The following SUPT3H variants were observed in gnomAD, a reference collection of about 807,000 sequenced individuals.
SUPT3H encodes transcription initiation protein SPT3 homolog.
Under a neutral mutation model 44.3 loss-of-function variants are expected in SUPT3H, and 44 were observed. The observed-to-expected ratio is 0.99, with a 90% CI of 0.78 to 1.28. The LOEUF (loss-of-function observed/expected upper bound fraction) is 1.28. SUPT3H is among the 50% of genes most tolerant of loss of function. The pLI is 0.00. For synonymous variants in SUPT3H, 124 were observed against 125.6 expected (o/e 0.99, Z 0.09); for missense variants, 380 against 387.1 (o/e 0.98, Z 0.15).
chr6:44,898,374 C>A (rs541017483), intron 10 of SUPT3H, among the ~76,000 whole-genome samples: 2 of 152,272 alleles, frequency 1.3e-5, no homozygotes, highest in Admixed American at 6.5e-5. Context: ...CTGGAGTAAG[C>A]CAGCTGCCAT....
intron 2 of SUPT3H, among the ~76,000 whole-genome samples, chr6:45,282,258 GAGA>G (rs1287348280): frequency 1.6e-4 from 25 of 152,312 alleles, no homozygotes; most frequent in African/African-American, 6.0e-4. Flanking sequence ...GACAAGTTGA[GAGA>G]AGAAGGTTTC....
intron 3 of SUPT3H, among the ~76,000 whole-genome samples, chr6:45,047,303 CTT>C (rs1789554983): frequency 6.6e-6 from 1 of 152,128 alleles, no homozygotes; most frequent in African/African-American, 2.4e-5. Flanking sequence ...GGCATTCAGT[CTT>C]GAGCTTTACT....
intron 2 of SUPT3H, among the ~76,000 whole-genome samples, chr6:45,213,201 G>A (rs909785609): frequency 5.3e-5 from 8 of 152,160 alleles, no homozygotes; most frequent in African/African-American, 1.9e-4. Context: ...AAGTGCGCCT[G>A]GAAGAGTTTG....
chr6:45,261,984 CA>C (rs1358849091), intron 2 of SUPT3H, among the ~76,000 whole-genome samples: 1 of 152,054 alleles, frequency 6.6e-6, no homozygotes, highest in Non-Finnish European at 1.5e-5. Context: ...ACAATACCCA[CA>C]AATAGCATCA....
At chr6:45,102,495 T>C (rs1258666904) in intron 3 of SUPT3H, among the ~76,000 whole-genome samples, 1 of 152,122 alleles carries the variant, frequency 6.6e-6, no homozygotes, top group African/African-American at 2.4e-5. Flanking sequence ...AATAATTTAT[T>C]ATATAAAATA....
At chr6:45,147,703 A>G (rs916331167) in intron 2 of SUPT3H, among the ~76,000 whole-genome samples, 1 of 151,982 alleles carries the variant, frequency 6.6e-6, no homozygotes, top group Non-Finnish European at 1.5e-5. Context: ...TCTAGCAAGG[A>G]AACAGCCTGA....
intron 10 of SUPT3H, among the ~76,000 whole-genome samples, chr6:44,903,958 A>T (rs1207647857): frequency 2.0e-5 from 3 of 152,212 alleles, no homozygotes; most frequent in Non-Finnish European, 4.4e-5. Context: ...GATGCAGAAA[A>T]GGCCTTTGAC....
At chr6:45,282,728 C>A (rs1298276286) in intron 2 of SUPT3H, among the ~76,000 whole-genome samples, 1 of 152,130 alleles carries the variant, frequency 6.6e-6, no homozygotes, top group Non-Finnish European at 1.5e-5. Context: ...TCAGGAAATA[C>A]AGAGAACGCC....
chr6:45,301,178 G>A (rs550881764), intron 2 of SUPT3H, among the ~76,000 whole-genome samples: 1 of 152,154 alleles, frequency 6.6e-6, no homozygotes, highest in South Asian at 2.1e-4. Context: ...TGAGGGATAG[G>A]TAAATAAACC....
chr6:45,016,997 C>G (rs1335232220), intron 4 of SUPT3H, among the ~76,000 whole-genome samples: 2 of 150,378 alleles, frequency 1.3e-5, no homozygotes, highest in Non-Finnish European at 3.0e-5. Context: ...ACATCCTCTC[C>G]AGCACCTGTT....
chr6:45,357,575 C>A (rs769652367), intron 2 of SUPT3H, among the ~76,000 whole-genome samples: 1 of 152,080 alleles, frequency 6.6e-6, no homozygotes, highest in Non-Finnish European at 1.5e-5. Flanking sequence ...GCTCCCCTGA[C>A]GTCAGCCCCT....
intron 2 of SUPT3H, among the ~76,000 whole-genome samples, chr6:45,215,644 C>T (rs1412375632): frequency 6.6e-6 from 1 of 150,952 alleles, no homozygotes; most frequent in Admixed American, 6.6e-5. Flanking sequence ...TCTAGTCAGA[C>T]AAAAAAGAAA....
At chr6:45,008,168 TTTTCA>T (rs1782981954) in intron 5 of SUPT3H, among the ~76,000 whole-genome samples, 1 of 152,170 alleles carries the variant, frequency 6.6e-6, no homozygotes, top group Non-Finnish European at 1.5e-5. Context: ...TGAATACATA[TTTTCA>T]TTTATCTTAT....
At chr6:44,837,093 AG>A (rs1415882136) in intron 10 of SUPT3H, among the ~76,000 whole-genome samples, 34 of 152,288 alleles carry the variant, frequency 2.2e-4, no homozygotes, top group African/African-American at 7.0e-4. Context: ...TTGGTTTTGT[AG>A]TCATGTTACT....
intron 10 of SUPT3H, among the ~76,000 whole-genome samples, chr6:44,895,687 G>A (rs1184455181): frequency 6.6e-6 from 1 of 152,120 alleles, no homozygotes; most frequent in African/African-American, 2.4e-5. Flanking sequence ...CTGCAGTGAA[G>A]GGAATGGGAT....
At chr6:45,042,084 A>C (rs1788621741) in intron 3 of SUPT3H, among the ~76,000 whole-genome samples, 1 of 152,214 alleles carries the variant, frequency 6.6e-6, no homozygotes, top group African/African-American at 2.4e-5. Flanking sequence ...TGAATTTAAT[A>C]TTATGAAAGA....
intron 2 of SUPT3H, among the ~76,000 whole-genome samples, chr6:45,194,576 C>T (rs1381540848): frequency 1.3e-5 from 2 of 152,074 alleles, no homozygotes; most frequent in Non-Finnish European, 2.9e-5. Context: ...GATTTATTTT[C>T]TAATGCCTTC....
intron 10 of SUPT3H, among the ~76,000 whole-genome samples, chr6:44,902,245 C>G (rs915492057): frequency 2.0e-5 from 3 of 152,126 alleles, no homozygotes; most frequent in Non-Finnish European, 2.9e-5. Flanking sequence ...GATAAAGAGT[C>G]ATGATCCATC....
At chr6:44,979,055 A>G (rs1337431440) in intron 6 of SUPT3H, among the ~76,000 whole-genome samples, 1 of 152,192 alleles carries the variant, frequency 6.6e-6, no homozygotes, top group Non-Finnish European at 1.5e-5. Context: ...TGGATTTTAT[A>G]CAATTCTTAA....
Sources: allele counts gnomAD v4.1 joint callset (sites outside exome capture counted in the v4.1 genomes callset), GRCh38; gene constraint gnomAD v4.1.1; transcripts MANE v1.5; gene names NCBI Gene and HGNC (gene_info 2026-07-23, HGNC 2026-07-21).